ARFGEF1: variants seen among roughly 807,000 people sequenced by gnomAD.
ARFGEF1 encodes brefeldin A-inhibited guanine nucleotide-exchange protein 1.
A neutral mutation model predicts 231.0 loss-of-function variants in ARFGEF1; 42 were observed. That is an observed-to-expected ratio of 0.18 (90% CI 0.14 to 0.24). ARFGEF1 has a LOEUF of 0.24. Ranked by LOEUF, ARFGEF1 falls within the 10% of genes least tolerant of loss-of-function variation. The probability of loss-of-function intolerance (pLI) is 1.00; values close to 1 mark genes in which losing one functional copy is unlikely to be tolerated. For missense variants in ARFGEF1, 1,345 were observed against 2,192.0 expected (o/e 0.61, Z 7.72); for synonymous variants, 710 against 732.3 (o/e 0.97, Z 0.49).
intron 7 of ARFGEF1, among the ~76,000 whole-genome samples, chr8:67,280,331 G>A (rs762120979): frequency 9.9e-5 from 15 of 152,182 alleles, no homozygotes; most frequent in South Asian, 2.1e-4. Flanking sequence ...ATCACTGCCT[G>A]CTAATTAAAG....
intron 1 of ARFGEF1, among the ~76,000 whole-genome samples, chr8:67,305,783 G>A (rs1258347779): frequency 6.6e-6 from 1 of 152,090 alleles, no homozygotes; most frequent in East Asian, 1.9e-4. Context: ...TTATCTGCAG[G>A]GGATATATTC....
intron 10 of ARFGEF1, among the ~76,000 whole-genome samples, chr8:67,269,078 A>C (rs1281911879): frequency 6.6e-6 from 1 of 152,216 alleles, no homozygotes; most frequent in Non-Finnish European, 1.5e-5. Context: ...GCTCTAAAAA[A>C]ATCAACCTTT....
At position 67,343,686 on chromosome 8, in the gene ARFGEF1, G is replaced by A. The variant is rs970347738; in HGVS notation, c.-399C>T. On this transcript the variant is annotated 5_prime_UTR_variant, in exon 1 of 39. Coordinates refer to ENST00000262215, the MANE Select transcript of ARFGEF1 (RefSeq NM_006421.5). The stretch of plus-strand genomic sequence containing the variant: ...GCTCTCAGAGGCACCGCGAGAGAAG[G>A]GCTACCCTGGCTACTGTGGGGATTA... 9.6e-6 allele frequency: 8 copies of A among 836,746 alleles called. No individual in the cohort carries two copies. The highest frequency in any genetic ancestry group is 5.5e-5 in the African/African-American group (3 of 54,350). The allele number at this position is 836,746 out of a possible 1,614,324, so 51.8% of individuals were successfully genotyped here. A position where few individuals can be genotyped will look rare whatever the true frequency, so the allele number is the denominator to read the frequency against.
At chr8:67,310,231 C>A (rs143323509) in intron 1 of ARFGEF1, among the ~76,000 whole-genome samples, 13,835 of 152,002 alleles carry the variant, frequency 0.091, 898 homozygotes, top group East Asian at 0.27. Context: ...CCTCAGCCTG[C>A]CGAGTGCCTG....
At chr8:67,200,371 G>A (rs139219534) in intron 38 of ARFGEF1, 25 bp downstream of exon 38, 1 of 1,472,424 alleles carries the variant, frequency 6.8e-7, no homozygotes, top group Admixed American at 1.7e-5. Flanking sequence ...GAAATGTGGG[G>A]CTGGATTCGA....
In ARFGEF1 at chr8:67,204,815, A is replaced by G. The variant is rs371949580; in HGVS notation, c.4824T>C (p.Phe1608=). 5 of 1,613,666 alleles carry G rather than the reference A, an allele frequency of 3.1e-6. No homozygotes were observed. Among genetic ancestry groups the G allele is most frequent in the Non-Finnish European group, 4.2e-6 (5 of 1,179,962 alleles). ...GGGCAGCAAACAATTTTTGTTCTGG[A>G]AATTCTGTGAGGAAACCCCCCCCAA... is the stretch of plus-strand genomic sequence containing the variant. ...EVSKIKSTAK[F]PEQKLFAALL... Residue 1608 remains phenylalanine (F), a synonymous_variant, in exon 35 of 39, where the codon TTT becomes TTC. Transcript: ENST00000262215.
intron 4 of ARFGEF1, 84 bp downstream of exon 4, chr8:67,299,125 C>G (rs1806367026): frequency 2.4e-6 from 3 of 1,254,102 alleles, no homozygotes; most frequent in African/African-American, 1.5e-5. Context: ...ATAAAATGAT[C>G]TTTCCTAATG....
At chr8:67,195,231 A>G, downstream of ARFGEF1, 1 of 689,644 alleles carries the variant, frequency 1.5e-6, no homozygotes, top group East Asian at 2.5e-5. Flanking sequence ...GGGTGGGGTG[A>G]GTCTAACCAA....
At chr8:67,305,019 G>C (rs1806673000) in intron 1 of ARFGEF1, among the ~76,000 whole-genome samples, 1 of 152,114 alleles carries the variant, frequency 6.6e-6, no homozygotes, top group African/African-American at 2.4e-5. Flanking sequence ...TTTGTTATAA[G>C]GTGAATTCCC....
chr8:67,225,876 C>A, intron 28 of ARFGEF1, 147 bp downstream of exon 28: 1 of 758,818 alleles, frequency 1.3e-6, no homozygotes, highest in African/African-American at 1.8e-5. Flanking sequence ...AATCACTAAC[C>A]ATCCTAACTT....
intron 1 of ARFGEF1, among the ~76,000 whole-genome samples, chr8:67,310,200 CCT>C (rs1441082185): frequency 2.6e-5 from 4 of 152,170 alleles, no homozygotes; most frequent in African/African-American, 9.7e-5. Flanking sequence ...CTCACTGCAA[CCT>C]CCCTGCCTGA....
At chr8:67,243,921 A>T (rs1249126462) in intron 19 of ARFGEF1, among the ~76,000 whole-genome samples, 2 of 152,120 alleles carry the variant, frequency 1.3e-5, no homozygotes, top group Non-Finnish European at 2.9e-5. Context: ...AAAATAATAA[A>T]AAAAAATCAA....
At chr8:67,209,977 C>A (rs1205124252) in intron 34 of ARFGEF1, among the ~76,000 whole-genome samples, 3 of 151,626 alleles carry the variant, frequency 2.0e-5, no homozygotes, top group African/African-American at 7.3e-5. Flanking sequence ...GTGGTGAAAC[C>A]CGGTCTCTAC....
chr8:67,294,768 T>A (rs1361070062), intron 5 of ARFGEF1, among the ~76,000 whole-genome samples: 10 of 152,128 alleles, frequency 6.6e-5, no homozygotes, highest in Non-Finnish European at 1.5e-4. Flanking sequence ...GGATAGTATA[T>A]AAACATATAT....
At chr8:67,245,435 A>T (rs933982587) in intron 19 of ARFGEF1, among the ~76,000 whole-genome samples, 6 of 150,574 alleles carry the variant, frequency 4.0e-5, no homozygotes, top group African/African-American at 1.5e-4. Context: ...AAACAAAAAC[A>T]ACAAAAGGTT....
At chr8:67,202,151 CT>C (rs1267113300) in intron 36 of ARFGEF1, among the ~76,000 whole-genome samples, 1 of 152,218 alleles carries the variant, frequency 6.6e-6, no homozygotes, top group East Asian at 1.9e-4. Context: ...GCACCAAACC[CT>C]TTTGATACAG....
At chr8:67,277,902 C>T (rs566188571) in intron 7 of ARFGEF1, among the ~76,000 whole-genome samples, 14 of 152,250 alleles carry the variant, frequency 9.2e-5, no homozygotes, top group Admixed American at 5.9e-4. Context: ...CAAGGATATA[C>T]AGTATGTTGT....
intron 13 of ARFGEF1, among the ~76,000 whole-genome samples, chr8:67,266,625 GA>G (rs1419106772): frequency 6.6e-6 from 1 of 151,966 alleles, no homozygotes; most frequent in Non-Finnish European, 1.5e-5. Flanking sequence ...TATAATACAA[GA>G]AAGTTGCATA....
At chr8:67,256,189 A>C (rs1420328300) in intron 17 of ARFGEF1, among the ~76,000 whole-genome samples, 1 of 152,226 alleles carries the variant, frequency 6.6e-6, no homozygotes, top group Non-Finnish European at 1.5e-5. Context: ...AAGCCGTAGA[A>C]TAGAAGTCAT....
Sources: allele counts gnomAD v4.1 joint callset (sites outside exome capture counted in the v4.1 genomes callset), GRCh38; gene constraint gnomAD v4.1.1; transcripts MANE v1.5; gene names NCBI Gene and HGNC (gene_info 2026-07-23, HGNC 2026-07-21).